The following USP7 variants were observed in gnomAD, a reference collection of about 807,000 sequenced individuals.
USP7 encodes ubiquitin specific peptidase 7.
A neutral mutation model predicts 162.9 loss-of-function variants in USP7; 9 were observed. The observed-to-expected ratio is 0.06, with a 90% CI of 0.03 to 0.10. The LOEUF (loss-of-function observed/expected upper bound fraction) is 0.10. Among genes scored for constraint, USP7 ranks in the 10% least tolerant of loss-of-function variants. The probability of loss-of-function intolerance (pLI) is 1.00; values close to 1 mark genes in which losing one functional copy is unlikely to be tolerated. For synonymous variants in USP7, 562 were observed against 475.9 expected (o/e 1.18, Z -2.35); for missense variants, 715 against 1,373.7 (o/e 0.52, Z 7.58).
chr16:8,955,453 T>C (rs1190791683), intron 1 of USP7, among the ~76,000 whole-genome samples: 1 of 151,138 alleles, frequency 6.6e-6, no homozygotes, highest in Non-Finnish European at 1.5e-5. Flanking sequence ...CCAGGCGCAG[T>C]GGCTCACACC....
intron 25 of USP7, 186 bp from the exon 26 acceptor site, chr16:8,897,285 A>C (rs962994563): frequency 1.2e-5 from 7 of 577,202 alleles, no homozygotes; most frequent in South Asian, 2.1e-5. Flanking sequence ...CACTGGCCCT[A>C]ATCTAGGACC....
At chr16:8,896,680 A>T (rs879345918) in intron 26 of USP7, among the ~76,000 whole-genome samples, 3 of 152,156 alleles carry the variant, frequency 2.0e-5, no homozygotes, top group Non-Finnish European at 4.4e-5. Context: ...TTCTATGGGA[A>T]CTGCGCCTTT....
At position 8,896,896 on chromosome 16, in the gene USP7, G is replaced by A. The variant is rs1180983805; in HGVS notation, c.2819+103C>T. 26 of 865,418 alleles carry A rather than the reference G, an allele frequency of 3.0e-5. No homozygotes were observed. The highest frequency in any genetic ancestry group is 2.9e-4 in the Admixed American group (16 of 55,558). The allele number at this position is 865,418 out of a possible 1,614,324, so 53.6% of individuals were successfully genotyped here. A position where few individuals can be genotyped will look rare whatever the true frequency, so the allele number is the denominator to read the frequency against. On this transcript the variant is annotated intron_variant, in intron 26 of 30. Transcript: ENST00000344836. ...ACCCCACTGAGTCTGGGAATGACGC[G>A]CATGGATCCCAGCTGGGTGATTTCC...
At chr16:8,897,179 T>G (rs1197485728) in intron 25 of USP7, 80 bp from the exon 26 acceptor site, 1 of 1,120,202 alleles carries the variant, frequency 8.9e-7, no homozygotes, top group Non-Finnish European at 1.3e-6. Flanking sequence ...AGGAGAAAGT[T>G]GCATCATTGT....
intron 10 of USP7, among the ~76,000 whole-genome samples, chr16:8,914,122 A>G (rs1379315627): frequency 6.6e-6 from 1 of 152,096 alleles, no homozygotes; most frequent in African/African-American, 2.4e-5. Flanking sequence ...AAAATTGTTA[A>G]AGTATTTAAA....
intron 10 of USP7, among the ~76,000 whole-genome samples, chr16:8,912,693 G>A (rs962600981): frequency 4.6e-5 from 7 of 151,312 alleles, no homozygotes; most frequent in Middle Eastern, 3.4e-3. Context: ...AGGCCAAGGC[G>A]GGCAGACTGA....
At chr16:8,933,630 C>T (rs533712725) in intron 1 of USP7, among the ~76,000 whole-genome samples, 98 of 151,748 alleles carry the variant, frequency 6.5e-4, no homozygotes, top group African/African-American at 2.1e-3. Context: ...ATTTTTTTTT[C>T]CTCAAAGAGA....
chr16:8,943,549 A>G (rs2141252097), intron 1 of USP7, among the ~76,000 whole-genome samples: 1 of 151,948 alleles, frequency 6.6e-6, no homozygotes. Flanking sequence ...AGAAACACAA[A>G]CGACTAACCA....
chr16:8,950,319 T>C (rs137881743), intron 1 of USP7, among the ~76,000 whole-genome samples: 1 of 152,180 alleles, frequency 6.6e-6, no homozygotes, highest in Admixed American at 6.5e-5. Flanking sequence ...AAAAAAAAGA[T>C]GGGACCCAGT....
At chr16:8,938,008 A>T (rs1277429724) in intron 1 of USP7, among the ~76,000 whole-genome samples, 1 of 152,142 alleles carries the variant, frequency 6.6e-6, no homozygotes, top group Non-Finnish European at 1.5e-5. Context: ...GCCTTGTACA[A>T]TTCTCAGGTA....
chr16:8,942,239 A>C (rs1456764517), intron 1 of USP7, among the ~76,000 whole-genome samples: 1 of 152,228 alleles, frequency 6.6e-6, no homozygotes, highest in Non-Finnish European at 1.5e-5. Context: ...GAAGCCATCC[A>C]TGTCCTTGGG....
At chr16:8,938,065 G>C (rs1226773460) in intron 1 of USP7, among the ~76,000 whole-genome samples, 1 of 152,086 alleles carries the variant, frequency 6.6e-6, no homozygotes, top group Non-Finnish European at 1.5e-5. Flanking sequence ...TCCTCCCTAT[G>C]TCACCAGACC....
In USP7 at chr16:8,915,362, A is replaced by G. The variant is rs372264215; in HGVS notation, c.988-18T>C. Reference sequence around the variant, plus strand: ...ATATAGGACTGCAAATAAGGAAAGTAAAAGTGGTTTAACTAGTAATAGTCA... The same window carrying G: ...ATATAGGACTGCAAATAAGGAAAGTGAAAGTGGTTTAACTAGTAATAGTCA... On this transcript the variant is annotated intron_variant, in intron 9 of 30. Transcript: ENST00000344836. The G allele has an allele frequency of 6.2e-7, 1 of 1,613,106 alleles. No homozygotes were observed. The highest frequency in any genetic ancestry group is 8.5e-7 in the Non-Finnish European group (1 of 1,179,502).
intron 2 of USP7, among the ~76,000 whole-genome samples, chr16:8,927,435 T>A (rs962696222): frequency 6.6e-6 from 1 of 152,280 alleles, no homozygotes; most frequent in African/African-American, 2.4e-5. Flanking sequence ...AGCAAACTTC[T>A]GCTCTTCATT....
At chr16:8,939,262 G>A (rs910491162) in intron 1 of USP7, among the ~76,000 whole-genome samples, 16 of 152,062 alleles carry the variant, frequency 1.1e-4, no homozygotes, top group African/African-American at 3.6e-4. Context: ...CACCCACCCC[G>A]GCGTGCGTGC....
chr16:8,904,323 G>T, intron 15 of USP7, 112 bp downstream of exon 15: 1 of 1,533,684 alleles, frequency 6.5e-7, no homozygotes. Context: ...TGGATGCCCT[G>T]CTGCATGGTG....
chr16:8,940,999 C>T (rs1189266775), intron 1 of USP7, among the ~76,000 whole-genome samples: 2 of 152,182 alleles, frequency 1.3e-5, no homozygotes, highest in Admixed American at 1.3e-4. Context: ...CTCCAGGACC[C>T]TTCTTCTCGT....
intron 1 of USP7, 84 bp from the exon 2 acceptor site, chr16:8,930,481 G>A: frequency 1.1e-6 from 1 of 910,698 alleles, no homozygotes; most frequent in East Asian, 2.8e-5. Context: ...TACTTTTGAT[G>A]TTGCCTAATC....
In USP7 at chr16:8,893,455, G is replaced by C. The variant is rs1331473663; in HGVS notation, c.*543C>G. On this transcript the variant is annotated 3_prime_UTR_variant, in exon 31 of 31. Transcript: ENST00000344836. Reference sequence around the variant, plus strand: ...ATTAAAAAGCCCCCAGGCAGCTGGAGGAGGAGAACCCGAGGAAGGGCCGAC... The same window carrying C: ...ATTAAAAAGCCCCCAGGCAGCTGGACGAGGAGAACCCGAGGAAGGGCCGAC... 1 of 154,326 alleles carries C rather than the reference G, an allele frequency of 6.5e-6. No homozygotes were observed. The highest frequency in any genetic ancestry group is 1.4e-5 in the Non-Finnish European group (1 of 69,324). The allele number at this position is 154,326 out of a possible 1,614,324, so 9.6% of individuals were successfully genotyped here. A position where few individuals can be genotyped will look rare whatever the true frequency, so the allele number is the denominator to read the frequency against.
Sources: allele counts gnomAD v4.1 joint callset (sites outside exome capture counted in the v4.1 genomes callset), GRCh38; gene constraint gnomAD v4.1.1; transcripts MANE v1.5; gene names NCBI Gene and HGNC (gene_info 2026-07-23, HGNC 2026-07-21).